EML4: variants seen among roughly 807,000 people sequenced by gnomAD.
The protein encoded by EML4 is echinoderm microtubule-associated protein-like 4.
EML4 carries 72 observed loss-of-function variants against 129.0 expected under a neutral mutation model. The ratio of observed to expected loss-of-function variants is 0.56; its 90% CI spans 0.46 to 0.68. The LOEUF (loss-of-function observed/expected upper bound fraction) is 0.68, where lower values mean the gene tolerates loss of function less well. EML4 is among the 30% of genes least tolerant of loss of function. EML4 has a pLI of 0.00. For missense variants in EML4, 1,363 were observed against 1,190.6 expected, an observed-to-expected ratio of 1.14 and a Z score of -2.13; for synonymous variants, 532 against 405.0, an observed-to-expected ratio of 1.31 and a Z score of -3.77.
intron 4 of EML4, among the ~76,000 whole-genome samples, chr2:42,261,738 G>A (rs1205078113): frequency 6.6e-6 from 1 of 152,124 alleles, no homozygotes; most frequent in Non-Finnish European, 1.5e-5. Context: ...GCTCTTCACT[G>A]TGGCTGCATC....
rs150453973 is a variant in EML4 at position 42,231,996 on chromosome 2, G to A, written c.26-13509G>A. Among the ~76,000 whole-genome samples the A allele has an allele frequency of 6.9e-3, 1,052 of 152,020 alleles. 25 individuals are homozygous for A. The highest frequency in any genetic ancestry group is 4.7e-3 in the Non-Finnish European group (320 of 67,966). On this transcript the variant is annotated intron_variant, in intron 1 of 22. Transcript: ENST00000318522. ...CTAATTTCTGGTAGATAAATTTCTG[G>A]CAGTAATTTTTTTTTTAAATTCTCA...
intron 5 of EML4, 38 bp from the exon 6 acceptor site, chr2:42,264,668 C>T (rs1467200904): frequency 2.5e-6 from 3 of 1,208,724 alleles, no homozygotes; most frequent in African/African-American, 1.5e-5. Flanking sequence ...GCCATATAAA[C>T]TTATAAAATA....
At chr2:42,278,572 TC>T (rs1666792509) in intron 6 of EML4, among the ~76,000 whole-genome samples, 1 of 40,528 alleles carries the variant, frequency 2.5e-5, no homozygotes, top group African/African-American at 1.1e-4. Flanking sequence ...GGACTCCATC[TC>T]AAAAAAAAAA....
intron 1 of EML4, among the ~76,000 whole-genome samples, chr2:42,244,132 C>T (rs1185257474): frequency 1.6e-5 from 2 of 129,006 alleles, no homozygotes; most frequent in Non-Finnish European, 3.1e-5. Flanking sequence ...CGGGGTCTTG[C>T]TCTGTTGCCA....
chr2:42,312,593 G>A (rs1048971129), intron 17 of EML4, among the ~76,000 whole-genome samples: 2 of 149,566 alleles, frequency 1.3e-5, no homozygotes, highest in Non-Finnish European at 3.0e-5. Flanking sequence ...TTGCTCTGTC[G>A]CCCAGGCTGG....
chr2:42,321,240 G>A (rs960158975), intron 19 of EML4, among the ~76,000 whole-genome samples: 38 of 152,034 alleles, frequency 2.5e-4, no homozygotes, highest in African/African-American at 4.6e-4. Context: ...AAAATTAGCC[G>A]GGCGTGGTGG....
At chr2:42,315,903 CT>C (rs1051977039) in intron 17 of EML4, 58 bp from the exon 18 acceptor site, 154 of 1,267,664 alleles carry the variant, frequency 1.2e-4, no homozygotes, top group Middle Eastern at 1.9e-4. Context: ...AAAAGAACAA[CT>C]TTTTTTTTCT....
intron 9 of EML4, among the ~76,000 whole-genome samples, chr2:42,285,503 T>A (rs2103628370): frequency 1.3e-5 from 2 of 152,300 alleles, no homozygotes; most frequent in Middle Eastern, 6.8e-3. Flanking sequence ...TAAAATGTGT[T>A]ATTTTCTCAG....
At chr2:42,283,976 G>A (rs1279486905) in intron 8 of EML4, among the ~76,000 whole-genome samples, 2 of 152,166 alleles carry the variant, frequency 1.3e-5, no homozygotes, top group Non-Finnish European at 2.9e-5. Flanking sequence ...GTCTAGATAT[G>A]GACATAAAGA....
chr2:42,195,592 C>T (rs1671854488), intron 1 of EML4, among the ~76,000 whole-genome samples: 3 of 152,124 alleles, frequency 2.0e-5, no homozygotes, highest in Non-Finnish European at 4.4e-5. Context: ...TAGACCATTC[C>T]ATAAACCCAA....
At chr2:42,232,997 C>T (rs766730975) in intron 1 of EML4, among the ~76,000 whole-genome samples, 3 of 152,184 alleles carry the variant, frequency 2.0e-5, no homozygotes, top group Non-Finnish European at 4.4e-5. Context: ...GCTGGGATTA[C>T]AGGTGTGAGC....
intron 6 of EML4, among the ~76,000 whole-genome samples, chr2:42,277,063 T>C (rs533079083): frequency 6.6e-6 from 1 of 152,280 alleles, no homozygotes; most frequent in African/African-American, 2.4e-5. Flanking sequence ...TTTTTTTTCT[T>C]CCTTGATACT....
At chr2:42,259,341 A>G (rs537687678) in intron 3 of EML4, among the ~76,000 whole-genome samples, 10 of 152,246 alleles carry the variant, frequency 6.6e-5, no homozygotes, top group South Asian at 2.1e-4. Flanking sequence ...TCTTGATTCC[A>G]TCAGCTTTAT....
At chr2:42,267,177 G>A (rs1666108981) in intron 6 of EML4, among the ~76,000 whole-genome samples, 1 of 152,172 alleles carries the variant, frequency 6.6e-6, no homozygotes, top group Non-Finnish European at 1.5e-5. Flanking sequence ...AAAAATTATA[G>A]TAATAAAGTG....
intron 6 of EML4, among the ~76,000 whole-genome samples, chr2:42,270,437 A>G (rs1043777933): frequency 6.6e-6 from 1 of 152,170 alleles, no homozygotes; most frequent in Admixed American, 6.5e-5. Context: ...GCACACGTGT[A>G]GTCCCAGCTA....
chr2:42,270,381 A>G (rs1310565051), intron 6 of EML4, among the ~76,000 whole-genome samples: 1 of 152,194 alleles, frequency 6.6e-6, no homozygotes, highest in African/African-American at 2.4e-5. Context: ...CAACATGGCA[A>G]AACCCCATCT....
chr2:42,171,051 C>T (rs1452218335), intron 1 of EML4, among the ~76,000 whole-genome samples: 1 of 152,198 alleles, frequency 6.6e-6, no homozygotes, highest in Admixed American at 6.5e-5. Context: ...TGTTGTGTTA[C>T]TCTTTCCTCC....
chr2:42,231,693 T>C (rs1376030418), intron 1 of EML4, among the ~76,000 whole-genome samples: 1 of 152,234 alleles, frequency 6.6e-6, no homozygotes, highest in Admixed American at 6.5e-5. Flanking sequence ...CTCACACCTG[T>C]AGTCCCAGCA....
In EML4 at chr2:42,261,177, C is replaced by G; in HGVS notation, c.395C>G (p.Ser132Cys). ...GGACAGAGAGAAAAAAAAGAGGAAT[C>G]TCATTCTAATGATCAAAGTCCACAA... ...PQGQREKKEE[S>C]HSNDQSPQIR... The change falls in exon 4 of 23, where the codon TCT becomes TGT. Residue 132 changes from serine to cysteine, a missense_variant. Physicochemically the swap from Ser to Cys is moderately radical, Grantham distance 112. Coordinates refer to ENST00000318522, the MANE Select transcript of EML4 (RefSeq NM_019063.5). 1.9e-6 allele frequency: 3 copies of G among 1,613,718 alleles called. No homozygotes were observed. Among genetic ancestry groups the G allele is most frequent in the Non-Finnish European group, 2.5e-6 (3 of 1,179,822 alleles).
Sources: gnomAD v4.1 joint callset for allele counts (sites outside exome capture counted in the v4.1 genomes callset) on GRCh38, gnomAD v4.1.1 for gene constraint, MANE v1.5 for transcripts, NCBI Gene and HGNC (gene_info 2026-07-23, HGNC 2026-07-21) for gene names.